Variants in HECTD2 observed in about 807,000 individuals in gnomAD.
The protein encoded by HECTD2 is probable E3 ubiquitin-protein ligase HECTD2.
HECTD2 carries 35 observed loss-of-function variants against 103.2 expected under a neutral mutation model. The observed-to-expected ratio is 0.34, with a 90% CI of 0.26 to 0.45. The LOEUF (loss-of-function observed/expected upper bound fraction) is 0.45. HECTD2 is among the 20% of genes least tolerant of loss of function. The pLI, the probability that HECTD2 is intolerant of heterozygous loss-of-function variation, is 1.00. For missense variants in HECTD2, 596 were observed against 937.4 expected, an observed-to-expected ratio of 0.64 and a Z score of 4.76; for synonymous variants, 281 against 329.9, an observed-to-expected ratio of 0.85 and a Z score of 1.61.
At chr10:91,472,600 A>G (rs1394454161) in intron 5 of HECTD2, among the ~76,000 whole-genome samples, 2 of 152,188 alleles carry the variant, frequency 1.3e-5, no homozygotes, top group African/African-American at 4.8e-5. Flanking sequence ...AAACTGAAAT[A>G]ATAAGCAAAA....
chr10:91,509,749 G>A (rs903534639), intron 20 of HECTD2, among the ~76,000 whole-genome samples: 1 of 152,116 alleles, frequency 6.6e-6, no homozygotes, highest in African/African-American at 2.4e-5. Flanking sequence ...CACAAGGAAG[G>A]GAATGACAAA....
In HECTD2 at chr10:91,411,143, C is replaced by A. The variant is rs546530211; in HGVS notation, c.138+567C>A. On this transcript the variant is annotated intron_variant, in intron 1 of 20. Coordinates refer to ENST00000298068, the MANE Select transcript of HECTD2 (RefSeq NM_182765.6). ...TTTCATATGGTACAGACATGTGACT[C>A]AGGTGGGGGGAGGCTTTTTGAACCT... 5.3e-5 allele frequency among the ~76,000 whole-genome samples: 8 copies of A among 152,234 alleles called. No homozygotes were observed. The South Asian group carries it at 1.7e-3, about 32-fold the overall frequency.
chr10:91,478,590 T>C (rs574013327), intron 6 of HECTD2, among the ~76,000 whole-genome samples: 1 of 152,302 alleles, frequency 6.6e-6, no homozygotes, highest in South Asian at 2.1e-4. Context: ...ATAATGAGCA[T>C]TAAATTTAGC....
intron 5 of HECTD2, among the ~76,000 whole-genome samples, chr10:91,469,013 T>G (rs996628613): frequency 1.3e-5 from 2 of 150,064 alleles, no homozygotes; most frequent in Non-Finnish European, 3.0e-5. Flanking sequence ...AGAAAGAATT[T>G]CAGAGCTCAA....
intron 2 of HECTD2, among the ~76,000 whole-genome samples, chr10:91,427,631 C>G (rs1326770513): frequency 6.6e-6 from 1 of 152,164 alleles, no homozygotes; most frequent in Non-Finnish European, 1.5e-5. Flanking sequence ...TGTTTTTTGG[C>G]AGCATAAATG....
At chr10:91,505,140 A>C (rs796997188) in intron 20 of HECTD2, among the ~76,000 whole-genome samples, 2,627 of 152,188 alleles carry the variant, frequency 0.017, 66 homozygotes, top group African/African-American at 0.058. Flanking sequence ...CATGGAAAGG[A>C]ACAACCGGTA....
chr10:91,453,219 G>A (rs528061311), intron 2 of HECTD2, among the ~76,000 whole-genome samples: 1 of 152,286 alleles, frequency 6.6e-6, no homozygotes, highest in African/African-American at 2.4e-5. Flanking sequence ...ATGGCCTGAG[G>A]CCAAGAGTTT....
chr10:91,506,198 A>G (rs1448534004), intron 20 of HECTD2, among the ~76,000 whole-genome samples: 1 of 150,256 alleles, frequency 6.7e-6, no homozygotes, highest in African/African-American at 2.4e-5. Context: ...ACACCCTAAC[A>G]TCACAATTAA....
intron 20 of HECTD2, among the ~76,000 whole-genome samples, chr10:91,505,104 A>C (rs1357296621): frequency 4.0e-4 from 61 of 152,136 alleles, no homozygotes; most frequent in African/African-American, 1.3e-3. Flanking sequence ...GCCTGCCCTA[A>C]AAGAGCTCCT....
At chr10:91,436,390 T>C (rs1844120390) in intron 2 of HECTD2, among the ~76,000 whole-genome samples, 1 of 152,060 alleles carries the variant, frequency 6.6e-6, no homozygotes, top group Admixed American at 6.6e-5. Context: ...CACGAAAGTG[T>C]CTTCCAGTCT....
chr10:91,426,257 G>T (rs1430311396), intron 2 of HECTD2, among the ~76,000 whole-genome samples: 3 of 151,916 alleles, frequency 2.0e-5, no homozygotes, highest in African/African-American at 7.2e-5. Context: ...CACGGGAAAT[G>T]TACATTACTT....
At chr10:91,466,902 G>A (rs1343882278) in intron 5 of HECTD2, among the ~76,000 whole-genome samples, 1 of 152,092 alleles carries the variant, frequency 6.6e-6, no homozygotes, top group Admixed American at 6.6e-5. Context: ...GTCTTAAAAG[G>A]CTGTTAAAAA....
chr10:91,467,550 T>A, intron 5 of HECTD2, among the ~76,000 whole-genome samples: 1 of 152,020 alleles, frequency 6.6e-6, no homozygotes, highest in East Asian at 1.9e-4. Flanking sequence ...CCAAGGTACT[T>A]CCTGGGGCAT....
At chr10:91,430,976 G>A (rs988939574) in intron 2 of HECTD2, among the ~76,000 whole-genome samples, 5 of 151,364 alleles carry the variant, frequency 3.3e-5, no homozygotes, top group African/African-American at 1.2e-4. Context: ...TCCTAGTCTC[G>A]ATGGTCTTTA....
intron 2 of HECTD2, among the ~76,000 whole-genome samples, chr10:91,431,957 T>C (rs1843900379): frequency 6.6e-6 from 1 of 151,990 alleles, no homozygotes; most frequent in Non-Finnish European, 1.5e-5. Flanking sequence ...CATAAATGAC[T>C]CTGACTCGAT....
intron 20 of HECTD2, among the ~76,000 whole-genome samples, chr10:91,502,028 T>G (rs1380042865): frequency 6.6e-6 from 1 of 152,162 alleles, no homozygotes; most frequent in African/African-American, 2.4e-5. Flanking sequence ...ATCTGTTCTT[T>G]GCTTTTCCAC....
rs534138410 is a variant in HECTD2, at chr10:91,512,694, G to A, written c.*310G>A. 44 of 259,976 alleles carry A rather than the reference G, an allele frequency of 1.7e-4. No homozygotes were observed. Among genetic ancestry groups the A allele is most frequent in the African/African-American group, 9.7e-4 (43 of 44,508 alleles). 16.1% of individuals were successfully genotyped at this position (259,976 alleles called of 1,614,324 possible). ...ACAGGCATTCCACTGGGAAAGCAAA[G>A]TACAGTGAAGAATGAATTTATGGTA... On this transcript the variant is annotated 3_prime_UTR_variant, in exon 21 of 21. Transcript: ENST00000298068.
intron 2 of HECTD2, among the ~76,000 whole-genome samples, chr10:91,436,399 C>G (rs1292103869): frequency 6.6e-6 from 1 of 152,030 alleles, no homozygotes; most frequent in Non-Finnish European, 1.5e-5. Flanking sequence ...GTCTTCCAGT[C>G]TTCTGTCTGA....
chr10:91,493,774 T>A (rs200381333), intron 14 of HECTD2, among the ~76,000 whole-genome samples: 2 of 151,998 alleles, frequency 1.3e-5, no homozygotes, highest in Non-Finnish European at 2.9e-5. Context: ...ATTGAAGTTA[T>A]CACTAATTTA....
Sources: gnomAD v4.1 joint callset for allele counts (sites outside exome capture counted in the v4.1 genomes callset) on GRCh38, gnomAD v4.1.1 for gene constraint, MANE v1.5 for transcripts, NCBI Gene and HGNC (gene_info 2026-07-23, HGNC 2026-07-21) for gene names.